The following CUBN variants were observed in gnomAD, a reference collection of about 807,000 sequenced individuals.
CUBN encodes the protein cubilin, also known as 460 kDa receptor.
CUBN carries 282 observed loss-of-function variants against 405.3 expected under a neutral mutation model. The observed-to-expected ratio is 0.70, with a 90% CI of 0.63 to 0.77. The LOEUF (loss-of-function observed/expected upper bound fraction) is 0.77. Among genes scored for constraint, CUBN ranks in the 30% least tolerant of loss-of-function variants. The probability of loss-of-function intolerance (pLI) is 0.00; values close to 1 mark genes in which losing one functional copy is unlikely to be tolerated. For synonymous variants in CUBN, 1,684 were observed against 1,617.0 expected (o/e 1.04, Z -0.99); for missense variants, 4,514 against 4,475.2 (o/e 1.01, Z -0.25).
At position 17,065,658 on chromosome 10, in the gene CUBN, G is replaced by A. The variant is rs989041712; in HGVS notation, c.3009-20C>T. 1 of 1,612,712 alleles carries A rather than the reference G, an allele frequency of 6.2e-7. No individual in the cohort carries two copies. The highest frequency in any genetic ancestry group is 8.5e-7 in the Non-Finnish European group (1 of 1,179,014). On this transcript the variant is annotated intron_variant, in intron 21 of 66. Transcript: ENST00000377833. ...CAGTATCTATTCCAAACCAAGAAAG[G>A]ACAGATGTGTGTATTTTAGTTTGGT...
Position 16,836,230 on chromosome 10 carries a change from C to T in CUBN, c.10180+5G>A, listed in dbSNP as rs754553466. 1.9e-6 allele frequency: 3 copies of T among 1,612,332 alleles called. No individual in the cohort carries two copies. The highest frequency in any genetic ancestry group is 1.3e-5 in the African/African-American group (1 of 75,012). On this transcript the variant is annotated splice_donor_5th_base_variant and intron_variant, in intron 63 of 66. Transcript: ENST00000377833. ...TTGAATAAAAGATGAAGTTCCTGGC[C>T]TCACCTGCAATCTGATAGGTGAAAC...
intron 54 of CUBN, 29 bp downstream of exon 54, chr10:16,898,967 G>C: frequency 2.6e-6 from 4 of 1,523,232 alleles, no homozygotes; most frequent in Non-Finnish European, 3.6e-6. Flanking sequence ...AACCAACTTG[G>C]CTCCAATTAA....
At chr10:17,076,759 T>C (rs1483596584) in intron 17 of CUBN, among the ~76,000 whole-genome samples, 1 of 152,152 alleles carries the variant, frequency 6.6e-6, no homozygotes, top group African/African-American at 2.4e-5. Flanking sequence ...AATTCAACCA[T>C]CTTTTACTTT....
chr10:16,968,530 C>A (rs1294053111), intron 31 of CUBN, among the ~76,000 whole-genome samples: 1 of 152,174 alleles, frequency 6.6e-6, no homozygotes, highest in Non-Finnish European at 1.5e-5. Context: ...CTGATTCTCA[C>A]AAAGCAGACA....
At chr10:17,023,397 T>C (rs1416521085) in intron 27 of CUBN, among the ~76,000 whole-genome samples, 2 of 151,614 alleles carry the variant, frequency 1.3e-5, no homozygotes, top group South Asian at 4.2e-4. Flanking sequence ...AAAAAACTCA[T>C]ACCTCGTTTT....
intron 41 of CUBN, 144 bp from the exon 42 acceptor site, chr10:16,925,918 A>G: frequency 1.3e-6 from 1 of 749,050 alleles, no homozygotes; most frequent in Non-Finnish European, 2.3e-6. Flanking sequence ...AATGATTATC[A>G]TAACAAGCAT....
At chr10:17,034,012 G>A (rs926608631) in intron 27 of CUBN, among the ~76,000 whole-genome samples, 25 of 152,186 alleles carry the variant, frequency 1.6e-4, no homozygotes, top group African/African-American at 5.1e-4. Context: ...CAACTGAAAG[G>A]AGGATACGGG....
Position 16,919,992 on chromosome 10 carries a change from T to C in CUBN, c.6792A>G (p.Glu2264=). The C allele has an allele frequency of 1.2e-6, 2 of 1,613,774 alleles. No individual in the cohort carries two copies. The highest frequency in any genetic ancestry group is 1.7e-6 in the Non-Finnish European group (2 of 1,179,950). The change falls in exon 44 of 67, where the codon GAA becomes GAG. Residue 2264 remains glutamate, a synonymous_variant. Transcript: ENST00000377833. The stretch of plus-strand genomic sequence containing the variant: ...GTGTTACTTCAATATCGAATCGATC[T>C]TCAAATTGCAGCTGTATGCGTGTTT... ...PPETRIQLQF[E]DRFDIEVTPN... is the part of the protein sequence containing the mutation.
intron 27 of CUBN, among the ~76,000 whole-genome samples, chr10:17,024,769 G>A (rs982602193): frequency 6.6e-6 from 1 of 152,064 alleles, no homozygotes; most frequent in Non-Finnish European, 1.5e-5. Context: ...GCTTCCCAAA[G>A]AGCTGAGATT....
At chr10:16,917,461 TA>T (rs1233695611) in intron 45 of CUBN, among the ~76,000 whole-genome samples, 1 of 152,146 alleles carries the variant, frequency 6.6e-6, no homozygotes, top group East Asian at 1.9e-4. Flanking sequence ...AGAAGAATCA[TA>T]ATAGTATACT....
At chr10:17,013,692 T>C (rs1834249779) in intron 28 of CUBN, among the ~76,000 whole-genome samples, 1 of 152,266 alleles carries the variant, frequency 6.6e-6, no homozygotes, top group African/African-American at 2.4e-5. Context: ...ACTTGCTATC[T>C]GTATACACAT....
At chr10:16,829,542 T>C (rs532591273) in intron 65 of CUBN, among the ~76,000 whole-genome samples, 2 of 152,288 alleles carry the variant, frequency 1.3e-5, no homozygotes, top group Non-Finnish European at 2.9e-5. Flanking sequence ...ATGACTTCAT[T>C]ATAAAAGTGA....
At chr10:16,884,848 C>T (rs117183687) in intron 56 of CUBN, among the ~76,000 whole-genome samples, 6 of 152,304 alleles carry the variant, frequency 3.9e-5, no homozygotes, top group South Asian at 4.2e-4. Flanking sequence ...TAATGGTCCA[C>T]CAAGATGACA....
At chr10:17,118,892 G>T (rs935810141) in intron 6 of CUBN, among the ~76,000 whole-genome samples, 1 of 152,148 alleles carries the variant, frequency 6.6e-6, no homozygotes, top group Admixed American at 6.5e-5. Context: ...TACTATTCCT[G>T]CTTTAGTTAT....
At chr10:17,015,953 T>A (rs556741755) in intron 28 of CUBN, among the ~76,000 whole-genome samples, 1 of 152,310 alleles carries the variant, frequency 6.6e-6, no homozygotes, top group East Asian at 1.9e-4. Flanking sequence ...TCACTTTTCC[T>A]TTTGGGTCTG....
At chr10:16,833,025 A>AGTAATG (rs1263475093) in intron 64 of CUBN, among the ~76,000 whole-genome samples, 13 of 152,146 alleles carry the variant, frequency 8.5e-5, no homozygotes, top group African/African-American at 3.1e-4. Context: ...GTAATGAAGG[A>AGTAATG]CAGCTAGGAG....
intron 31 of CUBN, among the ~76,000 whole-genome samples, chr10:16,973,269 ACT>A (rs1429809626): frequency 1.3e-5 from 2 of 151,834 alleles, no homozygotes; most frequent in African/African-American, 4.8e-5. Context: ...TACTGGCGAG[ACT>A]CTGCCACTTA....
rs111445994 is a variant in CUBN, at chr10:17,090,323, C to T, written c.1766-1978G>A. Among the ~76,000 whole-genome samples the T allele has an allele frequency of 2.6e-3, 392 of 151,866 alleles. 2 individuals are homozygous for T. Among genetic ancestry groups the T allele is most frequent in the African/African-American group, 9.0e-3 (374 of 41,388 alleles). On this transcript the variant is annotated intron_variant, in intron 14 of 66. Coordinates refer to ENST00000377833, the MANE Select transcript of CUBN (RefSeq NM_001081.4). ...AAATACAATTATATGAGATCATTTG[C>T]TTAATTTTTAAATAGAAGGATAAAT...
intron 27 of CUBN, among the ~76,000 whole-genome samples, chr10:17,038,920 C>T (rs2131812538): frequency 6.6e-6 from 1 of 152,284 alleles, no homozygotes; most frequent in South Asian, 2.1e-4. Context: ...CATAACATGA[C>T]AGACACGTCA....
Sources: allele counts gnomAD v4.1 joint callset (sites outside exome capture counted in the v4.1 genomes callset), GRCh38; gene constraint gnomAD v4.1.1; transcripts MANE v1.5; gene names NCBI Gene and HGNC (gene_info 2026-07-23, HGNC 2026-07-21).